The following LINC00237 variants were observed in gnomAD, a reference collection of about 807,000 sequenced individuals.
LINC00237 encodes the protein long independently transcribed non-coding RNA 237, also known as long intergenic non-protein coding RNA 237.
chr20:21,086,109 C>CA (rs1188740322), intron 3 of LINC00237, among the ~76,000 whole-genome samples: 2 of 152,214 alleles, frequency 1.3e-5, no homozygotes, highest in African/African-American at 4.8e-5. Context: ...CAGAAGGAGA[C>CA]ATTATTTTTA....
intron 2 of LINC00237, chr20:21,090,021 G>C (rs2030771034): frequency 1.3e-5 from 2 of 152,332 alleles, no homozygotes; most frequent in South Asian, 4.1e-4. Context: ...ACGTCTGAAT[G>C]TCTTTCCATT....
intron 1 of LINC00237, among the ~76,000 whole-genome samples, chr20:21,099,624 C>G (rs2030904508): frequency 6.6e-6 from 1 of 152,178 alleles, no homozygotes; most frequent in Non-Finnish European, 1.5e-5. Flanking sequence ...ACCTGACAGA[C>G]GACCTGCTGA....
At chr20:21,095,222 G>A (rs893143130) in intron 1 of LINC00237, among the ~76,000 whole-genome samples, 3 of 152,124 alleles carry the variant, frequency 2.0e-5, no homozygotes, top group Non-Finnish European at 4.4e-5. Flanking sequence ...CTCCCGCTTG[G>A]AGCCCAGCTG....
In LINC00237 at chr20:21,101,869, G is replaced by A. The variant is rs897282700; in HGVS notation, n.88+4402C>T. Among the ~76,000 whole-genome samples the A allele has an allele frequency of 6.6e-6, 1 of 152,174 alleles. No homozygotes were observed. Among genetic ancestry groups the A allele is most frequent in the Non-Finnish European group, 1.5e-5 (1 of 68,022 alleles). ...GGGCCAGAGGCTGGCGGGGGCACGC[G>A]GGGGTGGTTGGGGGCGGAGTGCGGC... is the stretch of plus-strand genomic sequence containing the variant. On this transcript the variant is annotated intron_variant and non_coding_transcript_variant, in intron 1 of 3. Transcript: ENST00000691244. The surrounding 1 kb of genome is among the most constrained non-coding windows in gnomAD (Gnocchi z 4.3).
intron 1 of LINC00237, among the ~76,000 whole-genome samples, chr20:21,103,500 T>C (rs1227613189): frequency 1.3e-5 from 2 of 152,176 alleles, no homozygotes; most frequent in Non-Finnish European, 2.9e-5. Flanking sequence ...GCCGATGCAA[T>C]TTATTCCAAT....
chr20:21,104,554 A>G (rs986869910), intron 1 of LINC00237, among the ~76,000 whole-genome samples: 3 of 152,236 alleles, frequency 2.0e-5, no homozygotes, highest in African/African-American at 4.8e-5. Context: ...GAAAGATGCA[A>G]CCAGGTCTGC....
chr20:21,103,793 T>C (rs146178989), intron 1 of LINC00237, among the ~76,000 whole-genome samples: 66 of 152,272 alleles, frequency 4.3e-4, no homozygotes, highest in African/African-American at 1.5e-3. Flanking sequence ...GAGCGAACAA[T>C]GCCACCCCAC....
chr20:21,097,122 C>G (rs1458858232), intron 1 of LINC00237, among the ~76,000 whole-genome samples: 2 of 152,178 alleles, frequency 1.3e-5, no homozygotes, highest in Non-Finnish European at 2.9e-5. Flanking sequence ...TCTGAAGAAC[C>G]TGAACTTGCT....
At chr20:21,086,637 A>ATATATGTATAGTATACTG (rs1424018291) in intron 3 of LINC00237, among the ~76,000 whole-genome samples, 73 of 133,888 alleles carry the variant, frequency 5.5e-4, no homozygotes, top group Non-Finnish European at 1.0e-3. Flanking sequence ...ATAGTATACT[A>ATATATGTATAGTATACTG]TATATAGTAT....
intron 1 of LINC00237, among the ~76,000 whole-genome samples, chr20:21,105,569 CCGGCGAGGGCCCTG>C (rs2030988203): frequency 6.6e-6 from 1 of 152,210 alleles, no homozygotes; most frequent in South Asian, 2.1e-4. Context: ...GCCCCCTCAC[CCGGCGAGGGCCCTG>C]CGCTCACACT....
intron 2 of LINC00237, chr20:21,092,795 C>A (rs1016493458): frequency 6.6e-6 from 1 of 152,060 alleles, no homozygotes; most frequent in Non-Finnish European, 1.5e-5. Context: ...GGCAACTAAC[C>A]CCCAAAAAAG....
chr20:21,100,602 C>T lies in LINC00237; in HGVS notation n.88+5669G>A, dbSNP rs559046761. On this transcript the variant is annotated intron_variant and non_coding_transcript_variant, in intron 1 of 3. Transcript: ENST00000691244. Reference sequence around the variant, plus strand: ...CTAACCCCAAAAACATTTTTTTTTTCTTTTTGTTCTTTGTAAAACCAAACC... The same window carrying T: ...CTAACCCCAAAAACATTTTTTTTTTTTTTTTGTTCTTTGTAAAACCAAACC... Among the ~76,000 whole-genome samples, 105 of 150,692 alleles carry T rather than the reference C, an allele frequency of 7.0e-4. No individual in the cohort carries two copies. The East Asian group carries it at 0.016, about 23-fold the overall frequency.
intron 2 of LINC00237, chr20:21,092,680 TC>T (rs2030808151): frequency 2.0e-5 from 3 of 152,354 alleles, no homozygotes; most frequent in Admixed American, 2.0e-4. Context: ...CTGGATTTCT[TC>T]CCGATCTTTA....
At chr20:21,096,192 AC>A (rs2030856043) in intron 1 of LINC00237, among the ~76,000 whole-genome samples, 1 of 152,216 alleles carries the variant, frequency 6.6e-6, no homozygotes, top group Non-Finnish European at 1.5e-5. Context: ...GGGTGCTATA[AC>A]AAAATGAACC....
At position 21,096,614 on chromosome 20, in the gene LINC00237, T is replaced by A. The variant is rs140178296; in HGVS notation, n.89-2762A>T. ...TGCCTATAGCTAGTTAGTGGACAAG[T>A]GGAACTATAAGCCTTTCTGCACACT... On this transcript the variant is annotated intron_variant and non_coding_transcript_variant, in intron 1 of 3. Coordinates refer to ENST00000691244, the Ensembl canonical transcript of LINC00237. Among the ~76,000 whole-genome samples the A allele has an allele frequency of 5.7e-4, 87 of 152,302 alleles. No individual in the cohort carries two copies. The East Asian group carries it at 0.016, about 28-fold the overall frequency.
chr20:21,090,040 A>G (rs1205574562), intron 2 of LINC00237: 1 of 152,240 alleles, frequency 6.6e-6, no homozygotes, highest in Admixed American at 6.5e-5. Flanking sequence ...TTGTTTCAGC[A>G]GAGAGCTGCT....
chr20:21,099,285 T>C (rs1377567586), intron 1 of LINC00237, among the ~76,000 whole-genome samples: 1 of 152,166 alleles, frequency 6.6e-6, no homozygotes, highest in Admixed American at 6.5e-5. Flanking sequence ...TTACCCTGCT[T>C]TCTGGTAAAC....
chr20:21,105,001 G>T (rs995125966), intron 1 of LINC00237, among the ~76,000 whole-genome samples: 4 of 152,148 alleles, frequency 2.6e-5, no homozygotes, highest in Non-Finnish European at 4.4e-5. Flanking sequence ...TATCCAAGGA[G>T]CCCAACCTAG....
chr20:21,086,489 A>C (rs1043498319), intron 3 of LINC00237, among the ~76,000 whole-genome samples: 2 of 148,620 alleles, frequency 1.3e-5, no homozygotes, highest in African/African-American at 5.0e-5. Context: ...ATATGTATCT[A>C]TATATATAGA....
Sources: allele counts gnomAD v4.1 joint callset (sites outside exome capture counted in the v4.1 genomes callset), GRCh38; gene constraint gnomAD v4.1.1; non-coding constraint Gnocchi (gnomAD v3.1); transcripts MANE v1.5; gene names NCBI Gene and HGNC (gene_info 2026-07-23, HGNC 2026-07-21).